ROBO2: variants seen among roughly 807,000 people sequenced by gnomAD.
ROBO2 encodes roundabout guidance receptor 2, also known as roundabout homolog 2.
A neutral mutation model predicts 160.8 loss-of-function variants in ROBO2; 53 were observed. The observed-to-expected ratio is 0.33, with a 90% CI of 0.26 to 0.41. ROBO2 has a LOEUF of 0.41. ROBO2 is among the 10% of genes least tolerant of loss of function. ROBO2 has a pLI of 1.00. For missense variants in ROBO2, 1,577 were observed against 1,722.4 expected (o/e 0.92, Z 1.49); for synonymous variants, 664 against 611.7 (o/e 1.09, Z -1.26).
At chr3:75,919,801 T>C (rs572842898) in intron 1 of ROBO2, among the ~76,000 whole-genome samples, 4 of 152,356 alleles carry the variant, frequency 2.6e-5, no homozygotes, top group African/African-American at 7.2e-5. Context: ...CCATTTCCTC[T>C]AGATTTTCTA....
At position 77,236,264 on chromosome 3, in the gene ROBO2, C is replaced by G. The variant is rs901944053; in HGVS notation, c.388+137924C>G. On this transcript the variant is annotated intron_variant, in intron 2 of 25. Coordinates refer to ENST00000461745, the Ensembl canonical transcript of ROBO2. ...ACCTGGAATCAGTTGAAAGAAATGC[C>G]TGGGTTACCATGATAAGATAAGAGT... is the stretch of plus-strand genomic sequence containing the variant. Among the ~76,000 whole-genome samples the G allele has an allele frequency of 7.7e-4, 118 of 152,276 alleles. 1 individual carries two copies. The highest frequency in any genetic ancestry group is 8.8e-5 in the Non-Finnish European group (6 of 68,022).
At chr3:76,573,150 G>C (rs1209873439) in intron 2 of ROBO2, among the ~76,000 whole-genome samples, 1 of 151,988 alleles carries the variant, frequency 6.6e-6, no homozygotes, top group Non-Finnish European at 1.5e-5. Flanking sequence ...TAGCGAAAAG[G>C]GCATGGATTT....
At position 76,192,444 on chromosome 3, in the gene ROBO2, CCTTA is replaced by C. The variant is rs544621640; in HGVS notation, c.109+254845_109+254848del. ...AAATCTCCTTTCCTAGCACTTTTCTCCTTACTATTATTTTAATTTCTAATTCACA... is the reference window on the plus strand; with the variant it reads ...AAATCTCCTTTCCTAGCACTTTTCTCCTATTATTTTAATTTCTAATTCACA... On this transcript the variant is annotated intron_variant, in intron 2 of 26. Coordinates refer to the ROBO2 transcript ENST00000487694. Among the ~76,000 whole-genome samples the C allele has an allele frequency of 3.2e-4, 49 of 151,582 alleles. No individual in the cohort carries two copies. The East Asian group carries it at 8.4e-3, about 26-fold the overall frequency.
intron 2 of ROBO2, among the ~76,000 whole-genome samples, chr3:76,548,830 A>C (rs1257669184): frequency 6.6e-6 from 1 of 152,100 alleles, no homozygotes; most frequent in African/African-American, 2.4e-5. Flanking sequence ...ACAAGAAAGC[A>C]TTCAATTACC....
At chr3:77,238,193 C>T (rs1014101333) in intron 2 of ROBO2, among the ~76,000 whole-genome samples, 7 of 152,056 alleles carry the variant, frequency 4.6e-5, no homozygotes, top group South Asian at 2.1e-4. Context: ...TCTATTCATT[C>T]GCTAGACATC....
intron 1 of ROBO2, among the ~76,000 whole-genome samples, chr3:75,914,266 G>C (rs1430870440): frequency 1.3e-5 from 2 of 152,064 alleles, no homozygotes; most frequent in Admixed American, 6.6e-5. Context: ...TATCACAATT[G>C]ACCTTAAAAC....
chr3:76,481,554 T>A (rs2079206757), intron 2 of ROBO2, among the ~76,000 whole-genome samples: 1 of 152,140 alleles, frequency 6.6e-6, no homozygotes. Flanking sequence ...TATGAATGAA[T>A]CAAAGCTTAT....
chr3:76,683,763 T>TG, intron 2 of ROBO2, among the ~76,000 whole-genome samples: 2 of 152,098 alleles, frequency 1.3e-5, no homozygotes, highest in Non-Finnish European at 2.9e-5. Flanking sequence ...ATCCCAGGAT[T>TG]TTATCTATTT....
intron 2 of ROBO2, among the ~76,000 whole-genome samples, chr3:76,799,238 A>C (rs181069116): frequency 1.0e-3 from 159 of 151,758 alleles, no homozygotes; most frequent in African/African-American, 3.7e-3. Flanking sequence ...CAAAACAAAA[A>C]AAAAACGTAT....
At chr3:77,137,682 T>A (rs1023984142) in intron 2 of ROBO2, among the ~76,000 whole-genome samples, 19 of 152,020 alleles carry the variant, frequency 1.2e-4, no homozygotes, top group African/African-American at 4.6e-4. Flanking sequence ...TCCAGGGGAG[T>A]CTAATTGTAC....
intron 2 of ROBO2, among the ~76,000 whole-genome samples, chr3:76,846,463 AC>A (rs761020204): frequency 6.6e-6 from 1 of 152,122 alleles, no homozygotes; most frequent in Non-Finnish European, 1.5e-5. Context: ...TATTTAAGAA[AC>A]CTGAAAACCT....
intron 4 of ROBO2, among the ~76,000 whole-genome samples, chr3:77,487,208 G>A (rs900842771): frequency 1.3e-5 from 2 of 152,068 alleles, no homozygotes; most frequent in East Asian, 3.9e-4. Flanking sequence ...AGAACATGAG[G>A]TGTTATTAAG....
intron 2 of ROBO2, among the ~76,000 whole-genome samples, chr3:76,998,039 A>G (rs1306854422): frequency 2.6e-5 from 4 of 152,250 alleles, no homozygotes; most frequent in African/African-American, 9.6e-5. Flanking sequence ...CATCACTTGC[A>G]CTGTATTCTA....
At chr3:76,451,299 A>T (rs930086502) in intron 2 of ROBO2, among the ~76,000 whole-genome samples, 2 of 152,124 alleles carry the variant, frequency 1.3e-5, no homozygotes, top group Non-Finnish European at 2.9e-5. Context: ...CACAAACAGC[A>T]TTATTTGTTC....
At chr3:76,102,385 A>G (rs1459504906) in intron 2 of ROBO2, among the ~76,000 whole-genome samples, 1 of 152,178 alleles carries the variant, frequency 6.6e-6, no homozygotes, top group Non-Finnish European at 1.5e-5. Flanking sequence ...TTGTGACTAT[A>G]CTTCTATTGG....
intron 19 of ROBO2, among the ~76,000 whole-genome samples, chr3:77,598,878 T>A (rs1045485858): frequency 6.6e-6 from 1 of 152,212 alleles, no homozygotes; most frequent in Non-Finnish European, 1.5e-5. Context: ...TAGCTGACTC[T>A]TTTACCTCTT....
chr3:76,734,471 T>C (rs2093679877), intron 2 of ROBO2, among the ~76,000 whole-genome samples: 1 of 152,212 alleles, frequency 6.6e-6, no homozygotes, highest in Non-Finnish European at 1.5e-5. Flanking sequence ...AGCTTTTAAA[T>C]GTATAAACCC....
At chr3:77,007,407 A>G (rs2061637833) in intron 2 of ROBO2, among the ~76,000 whole-genome samples, 1 of 152,022 alleles carries the variant, frequency 6.6e-6, no homozygotes, top group Non-Finnish European at 1.5e-5. Context: ...ATCCATCCTC[A>G]TGCCATACAT....
chr3:76,884,059 G>C (rs1269923169), intron 2 of ROBO2, among the ~76,000 whole-genome samples: 1 of 152,056 alleles, frequency 6.6e-6, no homozygotes, highest in African/African-American at 2.4e-5. Flanking sequence ...ATCTCTTCTT[G>C]CTTAGAATAG....
Sources: gnomAD v4.1 joint callset for allele counts (sites outside exome capture counted in the v4.1 genomes callset) on GRCh38, gnomAD v4.1.1 for gene constraint, MANE v1.5 for transcripts, NCBI Gene and HGNC (gene_info 2026-07-23, HGNC 2026-07-21) for gene names.